The following WASF3 variants were observed in gnomAD, a reference collection of about 807,000 sequenced individuals.
WASF3 encodes actin-binding protein WASF3.
WASF3 carries 11 observed loss-of-function variants against 46.6 expected under a neutral mutation model. The ratio of observed to expected loss-of-function variants is 0.24; its 90% CI spans 0.15 to 0.39. The LOEUF is 0.39. WASF3 is among the 10% of genes least tolerant of loss of function. The pLI, the probability that WASF3 is intolerant of heterozygous loss-of-function variation, is 1.00. For synonymous variants in WASF3, 242 were observed against 259.7 expected (o/e 0.93, Z 0.65); for missense variants, 576 against 669.8 (o/e 0.86, Z 1.55).
At chr13:26,613,852 T>C (rs1881053544) in intron 2 of WASF3, among the ~76,000 whole-genome samples, 1 of 152,170 alleles carries the variant, frequency 6.6e-6, no homozygotes, top group South Asian at 2.1e-4. Flanking sequence ...ATCGTGATAG[T>C]GGCTAAAATG....
At chr13:26,643,821 C>T (rs554728443) in intron 3 of WASF3, among the ~76,000 whole-genome samples, 1 of 152,320 alleles carries the variant, frequency 6.6e-6, no homozygotes, top group South Asian at 2.1e-4. Context: ...TGCTTGGCCA[C>T]AGTCTCCTGT....
At chr13:26,573,666 T>G (rs1879705054) in intron 1 of WASF3, among the ~76,000 whole-genome samples, 1 of 152,208 alleles carries the variant, frequency 6.6e-6, no homozygotes, top group Admixed American at 6.5e-5. Flanking sequence ...TTTCCTTGAT[T>G]TAATTACTAG....
At chr13:26,557,670 C>G, upstream of WASF3, 1 of 159,736 alleles carries the variant, frequency 6.3e-6, no homozygotes, top group East Asian at 1.8e-4. Context: ...CGGGAGGGGG[C>G]GTGGCCGCGG....
intron 1 of WASF3, among the ~76,000 whole-genome samples, chr13:26,602,966 T>C (rs756061189): frequency 5.3e-5 from 8 of 152,242 alleles, no homozygotes; most frequent in Non-Finnish European, 1.0e-4. Flanking sequence ...AACCCGTTGG[T>C]ATCCAACAGA....
In WASF3 at chr13:26,680,932, G is replaced by A; in HGVS notation, c.717-122G>A. 3 of 1,289,166 alleles carry A rather than the reference G, an allele frequency of 2.3e-6. No individual in the cohort carries two copies. The East Asian group carries it at 7.2e-5, about 31-fold the overall frequency. The allele number at this position is 1,289,166 out of a possible 1,614,324, so 79.9% of individuals were successfully genotyped here. ...GGGGCTATACCTAGTTGATAGTAAA[G>A]CAAATTAATGTCTGATTTTTGTGTA... On this transcript the variant is annotated intron_variant, in intron 7 of 9. Transcript: ENST00000335327.
chr13:26,642,435 A>G (rs1021109836), intron 3 of WASF3, 32 bp downstream of exon 3: 3 of 1,555,566 alleles, frequency 1.9e-6, no homozygotes, highest in South Asian at 1.2e-5. Flanking sequence ...TACCAATGAC[A>G]TTAACTTTTT....
At chr13:26,563,722 C>A (rs1338535591) in intron 1 of WASF3, among the ~76,000 whole-genome samples, 1 of 148,216 alleles carries the variant, frequency 6.7e-6, no homozygotes, top group Admixed American at 6.7e-5. Context: ...ATCTTTGGAG[C>A]CAAAGATGCT....
chr13:26,664,943 C>T, intron 3 of WASF3, 85 bp from the exon 4 acceptor site: 2 of 1,386,930 alleles, frequency 1.4e-6, no homozygotes, highest in South Asian at 1.3e-5. Context: ...CACATGTTGA[C>T]AGGAATAAGC....
At chr13:26,575,357 T>A (rs1432862656) in intron 1 of WASF3, among the ~76,000 whole-genome samples, 1 of 152,224 alleles carries the variant, frequency 6.6e-6, no homozygotes, top group Non-Finnish European at 1.5e-5. Context: ...TTTTTATTCT[T>A]AGTTCTACAG....
At chr13:26,667,485 A>G (rs371716239) in intron 4 of WASF3, 32 bp from the exon 5 acceptor site, 357 of 1,587,798 alleles carry the variant, frequency 2.2e-4, no homozygotes, top group Non-Finnish European at 2.9e-4. Context: ...ATATTTCTAT[A>G]TAACTCAACT....
intron 1 of WASF3, among the ~76,000 whole-genome samples, chr13:26,594,134 C>CT (rs1880388449): frequency 6.6e-6 from 1 of 152,012 alleles, no homozygotes; most frequent in African/African-American, 2.4e-5. Context: ...TTCAAAGGGC[C>CT]TTTTTCTCCT....
At chr13:26,601,353 G>C (rs1025526922) in intron 1 of WASF3, among the ~76,000 whole-genome samples, 16 of 152,000 alleles carry the variant, frequency 1.1e-4, no homozygotes, top group African/African-American at 3.6e-4. Context: ...AATTTCTTCA[G>C]TTTACTTTGT....
intron 1 of WASF3, among the ~76,000 whole-genome samples, chr13:26,559,043 G>T (rs1034073348): frequency 4.6e-5 from 7 of 152,118 alleles, no homozygotes; most frequent in African/African-American, 1.7e-4. Flanking sequence ...TCCTTTTCTA[G>T]CAGTTAAACA....
chr13:26,644,049 C>T, intron 3 of WASF3, among the ~76,000 whole-genome samples: 1 of 152,106 alleles, frequency 6.6e-6, no homozygotes, highest in East Asian at 1.9e-4. Context: ...CACAAGGGTT[C>T]TTTAAATGGG....
chr13:26,573,676 GTAT>G (rs980964899), intron 1 of WASF3, among the ~76,000 whole-genome samples: 2 of 151,976 alleles, frequency 1.3e-5, no homozygotes, highest in African/African-American at 4.8e-5. Context: ...TTAATTACTA[GTAT>G]TATTATTTTT....
chr13:26,658,776 C>T (rs538464153), intron 3 of WASF3, among the ~76,000 whole-genome samples: 75 of 152,328 alleles, frequency 4.9e-4, no homozygotes, highest in Admixed American at 2.5e-3. Flanking sequence ...AGTTCCCTGA[C>T]GAGTCCTGTG....
intron 3 of WASF3, among the ~76,000 whole-genome samples, chr13:26,651,605 A>G (rs940215876): frequency 3.9e-5 from 6 of 152,222 alleles, no homozygotes; most frequent in Admixed American, 3.3e-4. Flanking sequence ...TCCTCCAGCA[A>G]CCTGTACTAC....
At chr13:26,680,326 T>C in intron 7 of WASF3, 1 of 1,162,524 alleles carries the variant, frequency 8.6e-7, no homozygotes, top group East Asian at 2.7e-5. Context: ...TGTGACTGTC[T>C]TACTAACGCC....
At chr13:26,556,981 T>TC (rs1879111894), upstream of WASF3, among the ~76,000 whole-genome samples, 10 of 266 alleles carry the variant, frequency 0.038, no homozygotes, top group African/African-American at 0.062. Context: ...CCTTTCCTCC[T>TC]TTCTTTTTCT....
Sources: gnomAD v4.1 joint callset for allele counts (sites outside exome capture counted in the v4.1 genomes callset) on GRCh38, gnomAD v4.1.1 for gene constraint, MANE v1.5 for transcripts, NCBI Gene and HGNC (gene_info 2026-07-23, HGNC 2026-07-21) for gene names.